GPR158: variants seen among roughly 807,000 people sequenced by gnomAD.
GPR158 encodes metabotropic glycine receptor.
In GPR158, 30 loss-of-function variants were observed where a neutral mutation model predicts 78.2. The observed-to-expected ratio is 0.38, with a 90% CI of 0.29 to 0.52. The LOEUF is 0.52. Among genes scored for constraint, GPR158 ranks in the 20% least tolerant of loss-of-function variants. The pLI, the probability that GPR158 is intolerant of heterozygous loss-of-function variation, is 0.83. For missense variants in GPR158, 1,463 were observed against 1,523.5 expected (o/e 0.96, Z 0.66); for synonymous variants, 581 against 591.1 (o/e 0.98, Z 0.25).
At chr10:25,566,255 C>G (rs1836927604) in intron 6 of GPR158, among the ~76,000 whole-genome samples, 2 of 152,206 alleles carry the variant, frequency 1.3e-5, no homozygotes, top group South Asian at 4.1e-4. Flanking sequence ...AAGCTTACAG[C>G]AAAATTTTCT....
At chr10:25,359,107 T>C (rs1216660074) in intron 2 of GPR158, among the ~76,000 whole-genome samples, 9 of 152,094 alleles carry the variant, frequency 5.9e-5, no homozygotes. Context: ...TCTGCAATTT[T>C]GTCATTTTTA....
At position 25,362,746 on chromosome 10, in the gene GPR158, G is replaced by T. The variant is rs1302930304; in HGVS notation, c.1009-33165G>T. Among the ~76,000 whole-genome samples the T allele has an allele frequency of 3.9e-5, 6 of 151,956 alleles. No individual in the cohort carries two copies. The East Asian group carries it at 7.8e-4, about 20-fold the overall frequency. On this transcript the variant is annotated intron_variant, in intron 2 of 10. Coordinates refer to ENST00000376351, the MANE Select transcript of GPR158 (RefSeq NM_020752.3). ...TTTCTTAACTTTTAAAATGCTCAGT[G>T]TTAGTGTATAGAAATGTAACTGATT...
rs138563761 is a variant in GPR158, at chr10:25,598,471, G to T, written c.2845G>T (p.Asp949Tyr). 37 of 1,614,056 alleles carry T rather than the reference G, an allele frequency of 2.3e-5. No individual in the cohort carries two copies. In the East Asian group the frequency reaches 8.2e-4, roughly 36 times the overall value. ...KETNRNHSNS[D>Y]NTETKDPAPQ... ...GACAAACAGAAATCACTCAAATTCT[G>T]ATAACACAGAGACTAAAGATCCTGC... Residue 949 changes from aspartate (D) to tyrosine (Y), a missense_variant, in exon 11 of 11, where the codon GAT becomes TAT. By Grantham distance (160) the Asp-to-Tyr change is radical. Transcript: ENST00000376351.
intron 2 of GPR158, among the ~76,000 whole-genome samples, chr10:25,308,633 A>G (rs547533338): frequency 5.9e-5 from 9 of 152,282 alleles, no homozygotes; most frequent in African/African-American, 1.7e-4. Context: ...TCTTTCATGC[A>G]ACAATCACCA....
chr10:25,213,415 AT>A (rs1393372543), intron 1 of GPR158, among the ~76,000 whole-genome samples: 3 of 152,094 alleles, frequency 2.0e-5, no homozygotes, highest in East Asian at 1.9e-4. Context: ...TTTATTTTGA[AT>A]TTTTTGATAT....
Position 25,400,748 on chromosome 10 carries a change from T to A in GPR158, c.1111+4735T>A, listed in dbSNP as rs189462262. On this transcript the variant is annotated intron_variant, in intron 3 of 10. Transcript: ENST00000376351. ...TCTTCAGTGAAACTGCTTTTATCTT[T>A]TGTGTGGATATAGTACCAGTCTTTC... 5.4e-4 allele frequency among the ~76,000 whole-genome samples: 82 copies of A among 152,324 alleles called. 1 individual carries two copies. Among genetic ancestry groups the A allele is most frequent in the Non-Finnish European group, 4.9e-4 (33 of 68,008 alleles).
At chr10:25,527,589 T>C (rs558721698) in intron 5 of GPR158, among the ~76,000 whole-genome samples, 2 of 152,246 alleles carry the variant, frequency 1.3e-5, no homozygotes, top group East Asian at 3.9e-4. Flanking sequence ...AAGCAGTGTT[T>C]ATAGGGAACT....
At chr10:25,421,203 G>C (rs866812583) in intron 4 of GPR158, among the ~76,000 whole-genome samples, 2 of 152,000 alleles carry the variant, frequency 1.3e-5, no homozygotes, top group Non-Finnish European at 2.9e-5. Context: ...TAAGTATTAC[G>C]ATATATCACT....
At chr10:25,477,137 GA>G (rs1458348658) in intron 5 of GPR158, among the ~76,000 whole-genome samples, 1 of 151,666 alleles carries the variant, frequency 6.6e-6, no homozygotes, top group Non-Finnish European at 1.5e-5. Context: ...TTGCGATGTA[GA>G]AAAAACCCAT....
intron 2 of GPR158, among the ~76,000 whole-genome samples, chr10:25,334,223 G>A (rs1047100757): frequency 5.3e-5 from 8 of 151,950 alleles, no homozygotes; most frequent in African/African-American, 1.9e-4. Flanking sequence ...TTTGGCATAC[G>A]TAATAACAAT....
chr10:25,307,016 C>CAGAGAG (rs67926384), intron 2 of GPR158, among the ~76,000 whole-genome samples: 13 of 146,480 alleles, frequency 8.9e-5, no homozygotes, highest in East Asian at 4.1e-4. Context: ...CACACACATA[C>CAGAGAG]AGAGAGAGAG....
chr10:25,523,240 G>A (rs751725121), intron 5 of GPR158, among the ~76,000 whole-genome samples: 3 of 152,212 alleles, frequency 2.0e-5, no homozygotes, highest in South Asian at 2.1e-4. Flanking sequence ...CTGAAGTCCT[G>A]TGGATCCAGG....
At chr10:25,185,017 C>T (rs1042071440) in intron 1 of GPR158, among the ~76,000 whole-genome samples, 1 of 152,212 alleles carries the variant, frequency 6.6e-6, no homozygotes, top group Admixed American at 6.5e-5. Context: ...TGTTCAGCAG[C>T]ACCTCTGGCT....
At chr10:25,239,041 T>A (rs1003073445) in intron 2 of GPR158, among the ~76,000 whole-genome samples, 5 of 152,188 alleles carry the variant, frequency 3.3e-5, no homozygotes, top group Non-Finnish European at 7.3e-5. Flanking sequence ...GAGCTTCATC[T>A]ACTTGTTGGG....
At chr10:25,384,317 G>A (rs1333441893) in intron 2 of GPR158, among the ~76,000 whole-genome samples, 1 of 152,002 alleles carries the variant, frequency 6.6e-6, no homozygotes, top group African/African-American at 2.4e-5. Flanking sequence ...CAGCACTCTG[G>A]GCTATTTAAT....
At chr10:25,203,469 T>C (rs1182901544) in intron 1 of GPR158, among the ~76,000 whole-genome samples, 1 of 152,096 alleles carries the variant, frequency 6.6e-6, no homozygotes, top group Non-Finnish European at 1.5e-5. Flanking sequence ...GCTTTCTACA[T>C]ATGGCTAGCC....
chr10:25,423,831 G>T (rs1348650099), intron 4 of GPR158, among the ~76,000 whole-genome samples: 1 of 152,170 alleles, frequency 6.6e-6, no homozygotes, highest in Admixed American at 6.5e-5. Flanking sequence ...TGTGAACAGT[G>T]CCACAATAAA....
chr10:25,204,587 A>G (rs1200168874), intron 1 of GPR158, among the ~76,000 whole-genome samples: 1 of 152,186 alleles, frequency 6.6e-6, no homozygotes, highest in Non-Finnish European at 1.5e-5. Flanking sequence ...CCAGGCTTGC[A>G]TCCCAGGGTT....
chr10:25,393,474 G>T (rs774129611), intron 2 of GPR158: 2 of 152,126 alleles, frequency 1.3e-5, no homozygotes, highest in African/African-American at 4.8e-5. Flanking sequence ...TGCTATATTC[G>T]TAGTGTCGCG....
Sources: allele counts gnomAD v4.1 joint callset (sites outside exome capture counted in the v4.1 genomes callset), GRCh38; gene constraint gnomAD v4.1.1; transcripts MANE v1.5; gene names NCBI Gene and HGNC (gene_info 2026-07-23, HGNC 2026-07-21).